The following POLR3B variants were observed in gnomAD, a reference collection of about 807,000 sequenced individuals.
The protein encoded by POLR3B is RNA polymerase III subunit B, also known as DNA-directed RNA polymerase III subunit RPC2.
POLR3B carries 96 observed loss-of-function variants against 147.4 expected under a neutral mutation model. That is an observed-to-expected ratio of 0.65 (90% CI 0.55 to 0.77). The LOEUF (loss-of-function observed/expected upper bound fraction) is 0.77. Among genes scored for constraint, POLR3B ranks in the 30% least tolerant of loss-of-function variants. The probability of loss-of-function intolerance (pLI) is 0.00; values close to 1 mark genes in which losing one functional copy is unlikely to be tolerated. For missense variants in POLR3B, 1,036 were observed against 1,413.5 expected, an observed-to-expected ratio of 0.73 and a Z score of 4.28; for synonymous variants, 461 against 485.9, an observed-to-expected ratio of 0.95 and a Z score of 0.67.
At chr12:106,399,285 T>A (rs1490422591) in intron 10 of POLR3B, among the ~76,000 whole-genome samples, 1 of 152,022 alleles carries the variant, frequency 6.6e-6, no homozygotes, top group Non-Finnish European at 1.5e-5. Context: ...GAAAAAAGAA[T>A]GAAAAGAAAC....
At chr12:106,437,910 C>CT (rs950351454) in intron 18 of POLR3B, 131 bp downstream of exon 18, 33 of 679,438 alleles carry the variant, frequency 4.9e-5, no homozygotes, top group Non-Finnish European at 6.8e-5. Flanking sequence ...ATACAATCTT[C>CT]TTTTTTTTGT....
At chr12:106,502,033 A>T (rs1433953071) in intron 26 of POLR3B, among the ~76,000 whole-genome samples, 1 of 152,198 alleles carries the variant, frequency 6.6e-6, no homozygotes, top group South Asian at 2.1e-4. Context: ...TAAGTTTCAC[A>T]TGTTCTTAGT....
At chr12:106,371,460 A>C (rs1346652747) in intron 6 of POLR3B, among the ~76,000 whole-genome samples, 7 of 152,020 alleles carry the variant, frequency 4.6e-5, no homozygotes, top group Admixed American at 4.6e-4. Flanking sequence ...AAGGACTATA[A>C]ATCATGCTGC....
At chr12:106,420,790 A>G (rs1295248691) in intron 12 of POLR3B, among the ~76,000 whole-genome samples, 2 of 152,166 alleles carry the variant, frequency 1.3e-5, no homozygotes, top group Non-Finnish European at 2.9e-5. Context: ...TGTTACATTT[A>G]TATGTTATGA....
At chr12:106,485,182 C>T (rs12320538) in intron 23 of POLR3B, among the ~76,000 whole-genome samples, 11 of 152,186 alleles carry the variant, frequency 7.2e-5, no homozygotes, top group African/African-American at 2.6e-4. Flanking sequence ...AGGATCATCC[C>T]GTGGCAGACA....
intron 9 of POLR3B, among the ~76,000 whole-genome samples, chr12:106,389,556 T>C (rs2036886201): frequency 1.3e-5 from 2 of 151,996 alleles, no homozygotes; most frequent in African/African-American, 2.4e-5. Flanking sequence ...AGGTTGAGCA[T>C]CCCTTATCTG....
At chr12:106,443,473 T>C (rs2037680027) in intron 18 of POLR3B, among the ~76,000 whole-genome samples, 1 of 152,192 alleles carries the variant, frequency 6.6e-6, no homozygotes, top group African/African-American at 2.4e-5. Flanking sequence ...CACAGTTATC[T>C]AGTGTCTAGT....
At chr12:106,426,283 A>G (rs954928778) in intron 12 of POLR3B, among the ~76,000 whole-genome samples, 4 of 137,214 alleles carry the variant, frequency 2.9e-5, no homozygotes, top group Admixed American at 2.2e-4. Context: ...ACAGAGTCTC[A>G]CTCTGTCGCT....
At chr12:106,486,771 A>G (rs2038347173) in intron 23 of POLR3B, among the ~76,000 whole-genome samples, 1 of 152,222 alleles carries the variant, frequency 6.6e-6, no homozygotes, top group Non-Finnish European at 1.5e-5. Flanking sequence ...GCTTATTGTA[A>G]AACACTATCC....
At chr12:106,403,523 C>A (rs953189696) in intron 10 of POLR3B, among the ~76,000 whole-genome samples, 1 of 151,896 alleles carries the variant, frequency 6.6e-6, no homozygotes, top group African/African-American at 2.4e-5. Context: ...ATGTTTACTG[C>A]GGCACTATTC....
At position 106,370,752 on chromosome 12, in the gene POLR3B, C is replaced by CAGG. The variant is rs534345797; in HGVS notation, c.404+1069_404+1070insAGG. The stretch of plus-strand genomic sequence containing the variant: ...GTTCAAGTAGTTCTCTAGCCTCAGC[C>CAGG]TCCTGAGTAGCTGGGATTATAGGCG... On this transcript the variant is annotated intron_variant, in intron 6 of 27. Coordinates refer to ENST00000228347, the MANE Select transcript of POLR3B (RefSeq NM_018082.6). Among the ~76,000 whole-genome samples, 184 of 151,878 alleles carry CAGG rather than the reference C, an allele frequency of 1.2e-3. 1 individual carries two copies. In the South Asian group the frequency reaches 0.015, roughly 12 times the overall value.
rs747582723 is a variant in POLR3B at position 106,459,396 on chromosome 12, T to C, written c.2570+28T>C. 5 of 1,155,600 alleles carry C rather than the reference T, an allele frequency of 4.3e-6. No individual in the cohort carries two copies. In the East Asian group the frequency reaches 1.2e-4, roughly 27 times the overall value. The allele number at this position is 1,155,600 out of a possible 1,614,324, so 71.6% of individuals were successfully genotyped here. On this transcript the variant is annotated intron_variant, in intron 22 of 27. Coordinates refer to ENST00000228347, the MANE Select transcript of POLR3B (RefSeq NM_018082.6). The stretch of plus-strand genomic sequence containing the variant: ...ATGTATTGGTTGTGCCCTGGTAATA[T>C]GTAGAAAGGTTAGAAAAAGAGAAGA...
At chr12:106,451,010 T>C (rs1160379145) in intron 19 of POLR3B, among the ~76,000 whole-genome samples, 1 of 152,150 alleles carries the variant, frequency 6.6e-6, no homozygotes, top group Non-Finnish European at 1.5e-5. Flanking sequence ...ATAAAAAGAA[T>C]GAAGCATAAT....
intron 25 of POLR3B, among the ~76,000 whole-genome samples, chr12:106,499,764 C>G (rs1160162509): frequency 2.0e-5 from 3 of 152,212 alleles, no homozygotes; most frequent in African/African-American, 7.2e-5. Context: ...GACAGGGTCT[C>G]TTAATACCCT....
At chr12:106,442,080 C>CAAA (rs1264618766) in intron 18 of POLR3B, among the ~76,000 whole-genome samples, 4 of 97,440 alleles carry the variant, frequency 4.1e-5, no homozygotes, top group South Asian at 2.9e-4. Flanking sequence ...AAATCCGCCT[C>CAAA]AAAAAAAAAA....
At chr12:106,460,455 G>A (rs2037918578) in intron 22 of POLR3B, among the ~76,000 whole-genome samples, 2 of 152,186 alleles carry the variant, frequency 1.3e-5, no homozygotes, top group Admixed American at 1.3e-4. Context: ...ACCAGGATTT[G>A]AAGTCATGCA....
Position 106,437,650 on chromosome 12 carries a change from A to T in POLR3B, c.1857-31A>T, listed in dbSNP as rs767259641. The T allele has an allele frequency of 3.1e-6, 4 of 1,285,036 alleles. No individual in the cohort carries two copies. The African/African-American group carries it at 4.4e-5, about 14-fold the overall frequency. 79.6% of individuals were successfully genotyped at this position (1,285,036 alleles called of 1,614,324 possible). ...AAAATACTGCAGAAAAATGCTTTTT[A>T]ATGATGTCTCTTTCACCAATATTTT... is the stretch of plus-strand genomic sequence containing the variant. On this transcript the variant is annotated intron_variant, in intron 17 of 27. Coordinates refer to ENST00000228347, the MANE Select transcript of POLR3B (RefSeq NM_018082.6).
intron 20 of POLR3B, among the ~76,000 whole-genome samples, chr12:106,456,503 T>G (rs2037864552): frequency 6.6e-6 from 1 of 152,188 alleles, no homozygotes; most frequent in Non-Finnish European, 1.5e-5. Flanking sequence ...GATTATTTCT[T>G]TTTTCATTCT....
At chr12:106,500,020 C>G in intron 25 of POLR3B, 1 of 452,734 alleles carries the variant, frequency 2.2e-6, no homozygotes. Context: ...ACCAGTGTTG[C>G]AGGGAGAGCC....
Sources: allele counts gnomAD v4.1 joint callset (sites outside exome capture counted in the v4.1 genomes callset), GRCh38; gene constraint gnomAD v4.1.1; transcripts MANE v1.5; gene names NCBI Gene and HGNC (gene_info 2026-07-23, HGNC 2026-07-21).